VAPB: variants seen among roughly 807,000 people sequenced by gnomAD.
VAPB encodes vesicle-associated membrane protein-associated protein B/C.
Under a neutral mutation model 25.6 loss-of-function variants are expected in VAPB, and 7 were observed. That is an observed-to-expected ratio of 0.27 (90% confidence interval 0.16 to 0.51). The LOEUF is 0.51. Among genes scored for constraint, VAPB ranks in the 20% least tolerant of loss-of-function variants. The probability of loss-of-function intolerance (pLI) is 0.97; values close to 1 mark genes in which losing one functional copy is unlikely to be tolerated. For missense variants in VAPB, 266 were observed against 301.3 expected (o/e 0.88, Z 0.87); for synonymous variants, 112 against 109.2 (o/e 1.03, Z -0.16).
intron 1 of VAPB, among the ~76,000 whole-genome samples, chr20:58,400,186 A>G (rs554932202): frequency 3.2e-4 from 48 of 152,210 alleles, no homozygotes; most frequent in Admixed American, 1.4e-3. Flanking sequence ...GCTGTCACCT[A>G]GAGGCACTTG....
chr20:58,397,203 A>G (rs1218772857), intron 1 of VAPB, among the ~76,000 whole-genome samples: 2 of 152,128 alleles, frequency 1.3e-5, no homozygotes, highest in Non-Finnish European at 2.9e-5. Flanking sequence ...TCAGATTCTG[A>G]TGGTTTCTTG....
At chr20:58,430,783 C>G (rs964294938) in intron 2 of VAPB, among the ~76,000 whole-genome samples, 1 of 152,040 alleles carries the variant, frequency 6.6e-6, no homozygotes, top group Non-Finnish European at 1.5e-5. Flanking sequence ...ACCATGTTGG[C>G]GAGGCTGGTC....
Position 58,437,114 on chromosome 20 carries a change from A to G in VAPB, c.316-1831A>G, listed in dbSNP as rs529725435. Among the ~76,000 whole-genome samples the G allele has an allele frequency of 2.7e-5, 4 of 147,654 alleles. No individual in the cohort carries two copies. The South Asian group carries it at 8.5e-4, about 31-fold the overall frequency. On this transcript the variant is annotated intron_variant, in intron 3 of 5. Coordinates refer to ENST00000475243, the MANE Select transcript of VAPB (RefSeq NM_004738.5). ...TGTTCGAGTAACTAAAACTACAGGC[A>G]TGCCACCATGCCGGCTATTTTTTTA...
intron 3 of VAPB, among the ~76,000 whole-genome samples, chr20:58,436,839 C>T (rs1009796951): frequency 1.3e-5 from 2 of 151,988 alleles, no homozygotes; most frequent in Non-Finnish European, 2.9e-5. Context: ...AGGACAGTCT[C>T]TTATATAGTC....
At chr20:58,411,425 G>A (rs1308575521) in intron 1 of VAPB, among the ~76,000 whole-genome samples, 4 of 152,152 alleles carry the variant, frequency 2.6e-5, no homozygotes, top group Admixed American at 2.0e-4. Context: ...GGGACTACAG[G>A]CATGGGCCAC....
chr20:58,413,139 CT>C lies in VAPB; in HGVS notation c.59-5056del, dbSNP rs11481028. ...TTTTTGCTGGTATTGTATTTGCCTT[CT>C]TTTTTTTTTTTTTTTAATTTATTTT... On this transcript the variant is annotated intron_variant, in intron 1 of 5. Coordinates refer to ENST00000475243, the MANE Select transcript of VAPB (RefSeq NM_004738.5). 2.6e-3 allele frequency among the ~76,000 whole-genome samples: 349 copies of C among 132,588 alleles called. 1 individual carries two copies. Among genetic ancestry groups the C allele is most frequent in the Admixed American group, 6.6e-3 (90 of 13,594 alleles). The allele number at this position is 132,588 out of a possible 152,430, so 87.0% of individuals were successfully genotyped here.
chr20:58,417,912 C>T (rs1450357515), intron 1 of VAPB, among the ~76,000 whole-genome samples: 2 of 152,148 alleles, frequency 1.3e-5, no homozygotes, highest in African/African-American at 4.8e-5. Context: ...AACTTGTCTC[C>T]CCAAGCCTCA....
At chr20:58,389,578 G>A (rs1439635775) in intron 1 of VAPB, 61 bp downstream of exon 1, 10 of 1,499,272 alleles carry the variant, frequency 6.7e-6, no homozygotes, top group Non-Finnish European at 8.9e-6. Flanking sequence ...TGGAAGGACG[G>A]AGCCCGGCGC....
rs1298643056 is a variant in VAPB at position 58,389,342 on chromosome 20, C to A, written c.-118C>A. The A allele has an allele frequency of 2.1e-5, 25 of 1,201,042 alleles. No individual in the cohort carries two copies. The highest frequency in any genetic ancestry group is 2.9e-5 in the Non-Finnish European group (24 of 837,894). 74.4% of individuals were successfully genotyped at this position (1,201,042 alleles called of 1,614,324 possible). On this transcript the variant is annotated 5_prime_UTR_variant, in exon 1 of 6. Transcript: ENST00000475243. ...GCCCACCCGGTAGAGGACCCCCGCC[C>A]GTGCCCCGACCGGTCCCCGCCTTTT...
chr20:58,434,793 A>G (rs747266562), intron 3 of VAPB, 88 bp downstream of exon 3: 6 of 723,090 alleles, frequency 8.3e-6, no homozygotes, highest in African/African-American at 3.5e-5. Flanking sequence ...GCATTTCAAA[A>G]TATGTCAAAA....
intron 4 of VAPB, chr20:58,439,890 G>A (rs1223493027): frequency 6.6e-6 from 1 of 152,156 alleles, no homozygotes; most frequent in Admixed American, 6.5e-5. Flanking sequence ...CACCAAAACT[G>A]TGAAAGCATG....
chr20:58,413,614 A>G (rs1466093528), intron 1 of VAPB, among the ~76,000 whole-genome samples: 2 of 151,776 alleles, frequency 1.3e-5, no homozygotes, highest in African/African-American at 4.8e-5. Context: ...TTTCTATTCC[A>G]CAAAGCCGCC....
At chr20:58,389,539 C>T (rs530257465) in intron 1 of VAPB, 22 bp downstream of exon 1, 7 of 1,563,614 alleles carry the variant, frequency 4.5e-6, no homozygotes, top group African/African-American at 4.1e-5. Flanking sequence ...AGGCCGCCAC[C>T]TTCCTGCCCG....
rs1989373413 is a variant in VAPB at position 58,449,191 on chromosome 20, A to G, written c.*4956A>G. On this transcript the variant is annotated 3_prime_UTR_variant, in exon 6 of 6. Coordinates refer to ENST00000475243, the MANE Select transcript of VAPB (RefSeq NM_004738.5). Reference sequence around the variant, plus strand: ...CTTCCTCCAGCCTCTGAATCCCATTAGCCACAGCCTAGAACATTAGCTGAG... The same window carrying G: ...CTTCCTCCAGCCTCTGAATCCCATTGGCCACAGCCTAGAACATTAGCTGAG... 1 of 454,032 alleles carries G rather than the reference A, an allele frequency of 2.2e-6. No homozygotes were observed. The highest frequency in any genetic ancestry group is 4.4e-6 in the Non-Finnish European group (1 of 226,808). The allele number at this position is 454,032 out of a possible 1,614,324, so 28.1% of individuals were successfully genotyped here.
chr20:58,389,582 C>T, intron 1 of VAPB, 65 bp downstream of exon 1: 1 of 1,493,582 alleles, frequency 6.7e-7, no homozygotes. Flanking sequence ...AGGACGGAGC[C>T]CGGCGCGGCG....
intron 1 of VAPB, among the ~76,000 whole-genome samples, chr20:58,394,152 A>G (rs73177695): frequency 0.21 from 32,426 of 152,134 alleles, 3,978 homozygotes; most frequent in African/African-American, 0.32. Context: ...ATGGGAGGGC[A>G]CCAATGAATC....
chr20:58,396,271 G>T (rs939452368), intron 1 of VAPB, among the ~76,000 whole-genome samples: 9 of 151,988 alleles, frequency 5.9e-5, no homozygotes, highest in African/African-American at 9.7e-5. Context: ...GCTTTTGGGG[G>T]GTGTGTGTGT....
At position 58,389,345 on chromosome 20, in the gene VAPB, G is replaced by T. The variant is rs111312823; in HGVS notation, c.-115G>T. 2.6e-6 allele frequency: 3 copies of T among 1,138,822 alleles called. No individual in the cohort carries two copies. The highest frequency in any genetic ancestry group is 2.5e-6 in the Non-Finnish European group (2 of 794,104). 70.5% of individuals were successfully genotyped at this position (1,138,822 alleles called of 1,614,324 possible). A position where few individuals can be genotyped will look rare whatever the true frequency, so the allele number is the denominator to read the frequency against. ...CACCCGGTAGAGGACCCCCGCCCGT[G>T]CCCCGACCGGTCCCCGCCTTTTTGT... On this transcript the variant is annotated 5_prime_UTR_variant, in exon 1 of 6. Transcript: ENST00000475243.
intron 2 of VAPB, among the ~76,000 whole-genome samples, chr20:58,423,847 A>G (rs1305264092): frequency 6.6e-6 from 1 of 152,256 alleles, no homozygotes; most frequent in Non-Finnish European, 1.5e-5. Context: ...ACTCACATTC[A>G]TACTTTAAAA....
Sources: allele counts gnomAD v4.1 joint callset (sites outside exome capture counted in the v4.1 genomes callset), GRCh38; gene constraint gnomAD v4.1.1; transcripts MANE v1.5; gene names NCBI Gene and HGNC (gene_info 2026-07-23, HGNC 2026-07-21).